The following PLEKHA5 variants were observed in gnomAD, a reference collection of about 807,000 sequenced individuals.
PLEKHA5 encodes the protein pleckstrin homology domain containing A5.
Under a neutral mutation model 181.9 loss-of-function variants are expected in PLEKHA5, and 55 were observed. The observed-to-expected ratio is 0.30, with a 90% CI of 0.24 to 0.38. PLEKHA5 has a LOEUF of 0.38. Ranked by LOEUF, PLEKHA5 falls within the 10% of genes least tolerant of loss-of-function variation. The pLI, the probability that PLEKHA5 is intolerant of heterozygous loss-of-function variation, is 1.00. For synonymous variants in PLEKHA5, 535 were observed against 529.4 expected, an observed-to-expected ratio of 1.01 and a Z score of -0.15; for missense variants, 1,432 against 1,549.5, an observed-to-expected ratio of 0.92 and a Z score of 1.27.
chr12:19,262,326 C>T (rs1298845072), intron 7 of PLEKHA5, among the ~76,000 whole-genome samples: 18 of 152,142 alleles, frequency 1.2e-4, no homozygotes, highest in African/African-American at 2.7e-4. Flanking sequence ...CTCCACCTCC[C>T]GGGTTCAAGT....
chr12:19,347,177 C>T lies in PLEKHA5; in HGVS notation c.2893C>T (p.His965Tyr), dbSNP rs200349314. 1.8e-3 allele frequency: 2,770 copies of T among 1,534,860 alleles called. 10 individuals are homozygous for T. Among genetic ancestry groups the T allele is most frequent in the Non-Finnish European group, 1.5e-3 (1,721 of 1,132,634 alleles). Reference sequence around the variant, plus strand: ...TCAAGGATATCCAAGAAATGGATCTCACTGTGTAAGTGGCTGGAATAGCCA... The same window carrying T: ...TCAAGGATATCCAAGAAATGGATCTTACTGTGTAAGTGGCTGGAATAGCCA... ...QVQGYPRNGS[H>Y]CGPDYRLYKS... is the part of the protein sequence containing the mutation. The change falls in exon 24 of 32, where the codon CAC becomes TAC. Residue 965 changes from histidine to tyrosine, a missense_variant. Physicochemically the swap from His to Tyr is moderately conservative, Grantham distance 83. Around this residue, in one of 2 missense-constraint regions of PLEKHA5, gnomAD observed 1,143 missense variants for 1,168.4 expected, o/e 0.98. Transcript: ENST00000429027.
intron 3 of PLEKHA5, among the ~76,000 whole-genome samples, chr12:19,223,714 AG>A (rs1036979586): frequency 6.6e-6 from 1 of 152,156 alleles, no homozygotes; most frequent in African/African-American, 2.4e-5. Context: ...TAGGCATTCC[AG>A]CAAGTATCTT....
chr12:19,359,975 A>AAAAAAG (rs1020035483), intron 28 of PLEKHA5, among the ~76,000 whole-genome samples: 3 of 152,056 alleles, frequency 2.0e-5, no homozygotes, highest in Non-Finnish European at 4.4e-5. Context: ...ATCTCAAAAA[A>AAAAAAG]AAAAAGAAAA....
intron 20 of PLEKHA5, among the ~76,000 whole-genome samples, chr12:19,322,887 C>G (rs2091216503): frequency 6.6e-6 from 1 of 152,118 alleles, no homozygotes; most frequent in Non-Finnish European, 1.5e-5. Context: ...AGGTCTCACT[C>G]TGTCACCCAG....
At position 19,359,420 on chromosome 12, in the gene PLEKHA5, G is replaced by A; in HGVS notation, c.3357G>A (p.Arg1119=). The stretch of plus-strand genomic sequence containing the variant: ...ATATGTCTTTTGAGCAGACTCGAAG[G>A]AGGGATGATAAGGAACTGGACACTG... The part of the protein sequence containing the change: ...DNPFRTTQTR[R]RDDKELDTAI... The change falls in exon 28 of 32, where the codon AGG becomes AGA. Residue 1119 remains arginine (R), a synonymous_variant. Coordinates refer to ENST00000429027, the MANE Select transcript of PLEKHA5 (RefSeq NM_001256470.2). 6.2e-7 allele frequency: 1 copy of A among 1,613,398 alleles called. No homozygotes were observed. The highest frequency in any genetic ancestry group is 8.5e-7 in the Non-Finnish European group (1 of 1,179,404).
chr12:19,297,483 G>A (rs1419661267), intron 15 of PLEKHA5, among the ~76,000 whole-genome samples: 3 of 151,042 alleles, frequency 2.0e-5, no homozygotes, highest in African/African-American at 4.8e-5. Context: ...TTAGCCGGGC[G>A]CGGTGGCGGG....
At chr12:19,346,149 A>G (rs887396152) in intron 23 of PLEKHA5, among the ~76,000 whole-genome samples, 11 of 152,094 alleles carry the variant, frequency 7.2e-5, no homozygotes, top group African/African-American at 2.7e-4. Context: ...TTTCTAATCT[A>G]AGTAATGTTT....
intron 11 of PLEKHA5, among the ~76,000 whole-genome samples, chr12:19,276,472 G>C (rs774104688): frequency 6.6e-6 from 1 of 152,154 alleles, no homozygotes; most frequent in Non-Finnish European, 1.5e-5. Flanking sequence ...GGGCAGTTCA[G>C]TTGAGGCCAG....
intron 31 of PLEKHA5, chr12:19,373,730 A>G (rs1446468787): frequency 6.6e-6 from 1 of 152,212 alleles, no homozygotes; most frequent in African/African-American, 2.4e-5. Context: ...ACATAGGAAA[A>G]ATAAACATTG....
At chr12:19,215,171 C>T (rs1430913296) in intron 3 of PLEKHA5, among the ~76,000 whole-genome samples, 1 of 148,408 alleles carries the variant, frequency 6.7e-6, no homozygotes, top group South Asian at 2.1e-4. Context: ...AGTGAGATTC[C>T]GTCTCAAAAA....
In PLEKHA5 at chr12:19,345,835, T is replaced by C; in HGVS notation, c.2663-7T>C. On this transcript the variant is annotated splice_polypyrimidine_tract_variant and splice_region_variant and intron_variant, in intron 22 of 31. Coordinates refer to ENST00000429027, the MANE Select transcript of PLEKHA5 (RefSeq NM_001256470.2). ...TTTAATATAGTTACGTTTTCTAATA[T>C]TCCCAGGTATGATAGGATCAAAGCC... 1 of 1,348,580 alleles carries C rather than the reference T, an allele frequency of 7.4e-7. No individual in the cohort carries two copies. Among genetic ancestry groups the C allele is most frequent in the Non-Finnish European group, 1.0e-6 (1 of 954,052 alleles). The allele number at this position is 1,348,580 out of a possible 1,614,324, so 83.5% of individuals were successfully genotyped here.
Position 19,208,689 on chromosome 12 carries a change from GTT to G in PLEKHA5, c.228-45249_228-45248del, listed in dbSNP as rs2056253519. Among the ~76,000 whole-genome samples, 7 of 152,196 alleles carry G rather than the reference GTT, an allele frequency of 4.6e-5. 1 individual carries two copies. In the South Asian group the frequency reaches 1.5e-3, roughly 32 times the overall value. On this transcript the variant is annotated intron_variant, in intron 3 of 31. Transcript: ENST00000429027. ...GACTAATACATGTTCTCAAATCATT[GTT>G]TATTCTAAAAAGAGAGGATACAAAT...
At chr12:19,156,622 A>G (rs565850877) in intron 3 of PLEKHA5, among the ~76,000 whole-genome samples, 13 of 152,132 alleles carry the variant, frequency 8.5e-5, no homozygotes, top group Non-Finnish European at 1.6e-4. Context: ...CTCATCGTGC[A>G]TGTATTTGGT....
chr12:19,313,619 A>G (rs2087408657), intron 15 of PLEKHA5, among the ~76,000 whole-genome samples: 1 of 151,804 alleles, frequency 6.6e-6, no homozygotes, highest in African/African-American at 2.4e-5. Flanking sequence ...TAATATCCTC[A>G]CTTCCAAAAA....
intron 3 of PLEKHA5, among the ~76,000 whole-genome samples, chr12:19,218,247 G>T (rs1346724275): frequency 6.6e-6 from 1 of 152,124 alleles, no homozygotes; most frequent in African/African-American, 2.4e-5. Context: ...CCGAGACATT[G>T]CTCCACAGAG....
At chr12:19,184,247 G>T (rs957889077) in intron 3 of PLEKHA5, among the ~76,000 whole-genome samples, 3 of 152,014 alleles carry the variant, frequency 2.0e-5, no homozygotes, top group Non-Finnish European at 4.4e-5. Context: ...ATAAATTTTG[G>T]TAGCAGTCTT....
chr12:19,363,225 G>T (rs115575390), intron 29 of PLEKHA5, among the ~76,000 whole-genome samples: 2 of 151,046 alleles, frequency 1.3e-5, no homozygotes, highest in Non-Finnish European at 2.9e-5. Flanking sequence ...CTCGGTTCCC[G>T]GAGGGAACCT....
Position 19,167,405 on chromosome 12 carries a change from A to ATTTTTTTTTTTTTTTTTTTTTTTTT in PLEKHA5, c.227+34960_227+34984dup, listed in dbSNP as rs56086557. ...CACTCTGCAAGTCTTCTGAGGCTTA[A>ATTTTTTTTTTTTTTTTTTTTTTTTT]TTTTTTTTTTTTTTTTTTTTTTTTT... is the stretch of plus-strand genomic sequence containing the variant. On this transcript the variant is annotated intron_variant, in intron 3 of 31. Transcript: ENST00000429027. Among the ~76,000 whole-genome samples, 48 of 91,228 alleles carry ATTTTTTTTTTTTTTTTTTTTTTTTT rather than the reference A, an allele frequency of 5.3e-4. 2 individuals carry two copies. The highest frequency in any genetic ancestry group is 8.1e-4 in the African/African-American group (18 of 22,102). 59.8% of individuals were successfully genotyped at this position (91,228 alleles called of 152,430 possible).
chr12:19,334,870 C>CTATCTA lies in PLEKHA5; in HGVS notation c.2449-1644_2449-1643insATCTAT, dbSNP rs1461069710. ...TATATATATATATATATATATATAT[C>CTATCTA]TCTGTATACGCACACACACACAAAA... On this transcript the variant is annotated intron_variant, in intron 20 of 31. Transcript: ENST00000429027. Among the ~76,000 whole-genome samples the CTATCTA allele has an allele frequency of 2.7e-3, 71 of 26,250 alleles. 1 individual carries two copies. The highest frequency in any genetic ancestry group is 3.4e-3 in the Non-Finnish European group (39 of 11,444). The allele number at this position is 26,250 out of a possible 152,430, so 17.2% of individuals were successfully genotyped here.
Sources: allele counts gnomAD v4.1 joint callset (sites outside exome capture counted in the v4.1 genomes callset), GRCh38; gene constraint gnomAD v4.1.1; regional missense constraint gnomAD v4.1.1; transcripts MANE v1.5; gene names NCBI Gene and HGNC (gene_info 2026-07-23, HGNC 2026-07-21).